The following CHST15 variants were observed in gnomAD, a reference collection of about 807,000 sequenced individuals.
The protein encoded by CHST15 is carbohydrate sulfotransferase 15.
CHST15 carries 30 observed loss-of-function variants against 53.6 expected under a neutral mutation model. That is an observed-to-expected ratio of 0.56 (90% CI 0.42 to 0.76). The LOEUF (loss-of-function observed/expected upper bound fraction) is 0.76, where lower values mean the gene tolerates loss of function less well. CHST15 is among the 30% of genes least tolerant of loss of function. The pLI, the probability that CHST15 is intolerant of heterozygous loss-of-function variation, is 0.00. For synonymous variants in CHST15, 296 were observed against 289.8 expected (o/e 1.02, Z -0.22); for missense variants, 627 against 740.5 (o/e 0.85, Z 1.78).
intron 3 of CHST15, among the ~76,000 whole-genome samples, chr10:124,044,103 G>A (rs1030462169): frequency 2.2e-3 from 317 of 145,966 alleles, no homozygotes; most frequent in African/African-American, 7.6e-3. Flanking sequence ...AGCAGGGAAC[G>A]GCACAGAGCA....
intron 1 of CHST15, among the ~76,000 whole-genome samples, chr10:124,091,574 C>A (rs1023987847): frequency 1.3e-5 from 2 of 152,242 alleles, no homozygotes; most frequent in Admixed American, 1.3e-4. Flanking sequence ...ACTGCTAGGG[C>A]GCCCAGAGGC....
intron 4 of CHST15, among the ~76,000 whole-genome samples, chr10:124,041,238 T>C (rs1433936898): frequency 1.3e-5 from 2 of 152,248 alleles, no homozygotes; most frequent in African/African-American, 4.8e-5. Flanking sequence ...TAATTCCTCT[T>C]AGTTGCTAAT....
chr10:124,016,499 G>A (rs1946589655), intron 6 of CHST15, among the ~76,000 whole-genome samples: 1 of 152,120 alleles, frequency 6.6e-6, no homozygotes, highest in African/African-American at 2.4e-5. Flanking sequence ...GATCTCCTCT[G>A]AGCAGAGGCA....
At chr10:124,050,697 C>T (rs1038397751) in intron 1 of CHST15, among the ~76,000 whole-genome samples, 2 of 152,078 alleles carry the variant, frequency 1.3e-5, no homozygotes, top group African/African-American at 2.4e-5. Context: ...TCAGAGGGGA[C>T]GTTGGAGGAG....
chr10:124,043,040 C>T (rs554546984), intron 3 of CHST15, among the ~76,000 whole-genome samples: 2 of 152,240 alleles, frequency 1.3e-5, no homozygotes, highest in East Asian at 3.9e-4. Flanking sequence ...ATTCTGGCAT[C>T]GGCCACATAC....
In CHST15 at chr10:124,082,962, G is replaced by T. The variant is rs1949298040; in HGVS notation, c.-513+10507C>A. Among the ~76,000 whole-genome samples, 3 of 152,132 alleles carry T rather than the reference G, an allele frequency of 2.0e-5. No individual in the cohort carries two copies. In the South Asian group the frequency reaches 6.2e-4, roughly 31 times the overall value. On this transcript the variant is annotated intron_variant, in intron 1 of 7. Coordinates refer to ENST00000435907, the MANE Select transcript of CHST15 (RefSeq NM_001270764.2). ...GGGAGATAAAGGGGTGATAGCTAAG[G>T]TGTACAAGATGTCTTTTTGAGATTA...
rs747060653 is a variant in CHST15, at chr10:124,010,232, TCTTCTGTG to T, written c.1595_1602del (p.Thr532AsnfsTer12). 6.2e-7 allele frequency: 1 copy of T among 1,613,992 alleles called. No individual in the cohort carries two copies. Among genetic ancestry groups the T allele is most frequent in the African/African-American group, 1.3e-5 (1 of 74,926 alleles). The stretch of plus-strand genomic sequence containing the variant: ...AAGGGCCTGTAGAAATCCCGCAGAA[TCTTCTGTG>T]TGATGGGCCACATGGGCCCCAGGTT... On this transcript the variant is annotated frameshift_variant, in exon 8 of 8. Coordinates refer to ENST00000435907, the MANE Select transcript of CHST15 (RefSeq NM_001270764.2). LOFTEE classifies it high-confidence loss of function.
chr10:124,044,499 C>A (rs1236348218), intron 3 of CHST15, 81 bp downstream of exon 3: 43 of 1,220,152 alleles, frequency 3.5e-5, no homozygotes, highest in Non-Finnish European at 4.7e-5. Context: ...CCTCGCCCCC[C>A]AACCCCAGCG....
Position 124,021,300 on chromosome 10 carries a change from G to A in CHST15, c.1303C>T (p.Leu435=). 1.2e-6 allele frequency: 2 copies of A among 1,613,534 alleles called. No individual in the cohort carries two copies. Among genetic ancestry groups the A allele is most frequent in the African/African-American group, 1.3e-5 (1 of 74,900 alleles). ...LFENCMLDYS[L]RACVYNNTLN... is the part of the protein sequence containing the mutation. ...GTGTTGTTGTAGACGCAGGCGCGCAGTGAATAATCAAGCATGCAATTTTCA... is the reference window on the plus strand; with the variant it reads ...GTGTTGTTGTAGACGCAGGCGCGCAATGAATAATCAAGCATGCAATTTTCA... Residue 435 remains leucine, a synonymous_variant, in exon 6 of 8, where the codon CTG becomes TTG. Coordinates refer to ENST00000435907, the MANE Select transcript of CHST15 (RefSeq NM_001270764.2).
chr10:124,064,438 G>A (rs953857438), intron 1 of CHST15, among the ~76,000 whole-genome samples: 2 of 152,292 alleles, frequency 1.3e-5, no homozygotes, highest in South Asian at 2.1e-4. Context: ...GGAGCAGAAC[G>A]CAAGCCCCTG....
At chr10:124,044,458 A>G in intron 3 of CHST15, 122 bp downstream of exon 3, 2 of 794,998 alleles carry the variant, frequency 2.5e-6, no homozygotes, top group Middle Eastern at 3.8e-4. Flanking sequence ...CAGCCTCCTA[A>G]CAAGGGAATT....
intron 1 of CHST15, among the ~76,000 whole-genome samples, chr10:124,078,732 T>C (rs554595603): frequency 1.0e-3 from 156 of 152,348 alleles, no homozygotes; most frequent in African/African-American, 3.5e-3. Flanking sequence ...CTAAAGCTTA[T>C]GAAATTCTAA....
At chr10:124,065,805 G>A (rs1301289544) in intron 1 of CHST15, among the ~76,000 whole-genome samples, 10 of 151,882 alleles carry the variant, frequency 6.6e-5, no homozygotes, top group Non-Finnish European at 1.5e-4. Flanking sequence ...GTTTTGTTTT[G>A]ACCCATTCTC....
At chr10:124,027,728 C>A (rs1033614912) in intron 5 of CHST15, among the ~76,000 whole-genome samples, 2 of 152,160 alleles carry the variant, frequency 1.3e-5, no homozygotes, top group Non-Finnish European at 2.9e-5. Flanking sequence ...TGTGGGCCAC[C>A]CCATTTTACT....
intron 1 of CHST15, among the ~76,000 whole-genome samples, chr10:124,077,851 C>T (rs1949126004): frequency 6.6e-6 from 1 of 152,196 alleles, no homozygotes; most frequent in South Asian, 2.1e-4. Flanking sequence ...CAGAGGGAGG[C>T]AGGCACAGCT....
At chr10:124,023,100 T>C (rs549828394) in intron 5 of CHST15, among the ~76,000 whole-genome samples, 15 of 152,196 alleles carry the variant, frequency 9.9e-5, no homozygotes, top group South Asian at 4.1e-4. Context: ...TTCCTAGTTG[T>C]ATTCGGAGTC....
intron 6 of CHST15, chr10:124,020,364 G>A (rs938158215): frequency 6.1e-6 from 6 of 985,354 alleles, no homozygotes; most frequent in Non-Finnish European, 7.2e-6. Context: ...ACCAGAGCAG[G>A]CTCTGGGGTT....
chr10:124,046,095 C>T lies in CHST15; in HGVS notation c.118G>A (p.Glu40Lys). 1.2e-6 allele frequency: 2 copies of T among 1,614,262 alleles called. No homozygotes were observed. Among genetic ancestry groups the T allele is most frequent in the Non-Finnish European group, 1.7e-6 (2 of 1,180,052 alleles). The change falls in exon 2 of 8, where the codon GAA becomes AAA. Residue 40 changes from glutamate to lysine, a missense_variant. This residue lies in a region of CHST15 where 187 missense variants were observed against 251.8 expected (regional missense o/e 0.74). Coordinates refer to ENST00000435907, the MANE Select transcript of CHST15 (RefSeq NM_001270764.2). ...TCCACACGAAACAGAATTTTGTTTT[C>T]TCCTTTGCACGTGGGGCACGCCTGG... is the stretch of plus-strand genomic sequence containing the variant. Reference protein sequence around the residue: ...GHQACPTCKGENKILFRVDSK... With the variant: ...GHQACPTCKGKNKILFRVDSK...
In CHST15 at chr10:124,057,125, C is replaced by T. The variant is rs1948411277; in HGVS notation, c.-512-10401G>A. On this transcript the variant is annotated intron_variant, in intron 1 of 7. Transcript: ENST00000435907. ...CCTGATCACTAACCTGGCTGGTCACCCTGAGCATCACTTCATCTCTCAGGG... is the reference window on the plus strand; with the variant it reads ...CCTGATCACTAACCTGGCTGGTCACTCTGAGCATCACTTCATCTCTCAGGG... Among the ~76,000 whole-genome samples, 6 of 152,226 alleles carry T rather than the reference C, an allele frequency of 3.9e-5. No homozygotes were observed. In the South Asian group the frequency reaches 1.2e-3, roughly 32 times the overall value.
Sources: gnomAD v4.1 joint callset for allele counts (sites outside exome capture counted in the v4.1 genomes callset) on GRCh38, gnomAD v4.1.1 for gene constraint, gnomAD v4.1.1 regional missense constraint, MANE v1.5 for transcripts, NCBI Gene and HGNC (gene_info 2026-07-23, HGNC 2026-07-21) for gene names.